Variants in TMEM132C observed in about 807,000 individuals in gnomAD.
TMEM132C encodes transmembrane protein 132C.
Under a neutral mutation model 61.4 loss-of-function variants are expected in TMEM132C, and 29 were observed. The ratio of observed to expected loss-of-function variants is 0.47; its 90% CI spans 0.35 to 0.64. TMEM132C has a LOEUF of 0.64. TMEM132C is among the 30% of genes least tolerant of loss of function. The pLI is 0.00. For synonymous variants in TMEM132C, 656 were observed against 633.1 expected (o/e 1.04, Z -0.54); for missense variants, 1,408 against 1,476.9 (o/e 0.95, Z 0.76).
chr12:128,676,428 AT>A (rs1461931612), intron 5 of TMEM132C, among the ~76,000 whole-genome samples: 10 of 151,900 alleles, frequency 6.6e-5, no homozygotes, highest in Admixed American at 1.3e-4. Context: ...TTTGGTGGGT[AT>A]TTTTTCTGAT....
At chr12:128,567,646 T>A (rs975067950) in intron 3 of TMEM132C, among the ~76,000 whole-genome samples, 1 of 151,642 alleles carries the variant, frequency 6.6e-6, no homozygotes, top group Non-Finnish European at 1.5e-5. Context: ...CCTCCTCCAC[T>A]TTAAGGTGTT....
intron 1 of TMEM132C, among the ~76,000 whole-genome samples, chr12:128,372,493 C>T (rs1874057133): frequency 6.6e-6 from 1 of 152,068 alleles, no homozygotes; most frequent in South Asian, 2.1e-4. Flanking sequence ...TTTCCAGTGA[C>T]AAAGCTGGAT....
chr12:128,492,438 G>T (rs140272149), intron 2 of TMEM132C, among the ~76,000 whole-genome samples: 3 of 152,120 alleles, frequency 2.0e-5, no homozygotes, highest in African/African-American at 7.2e-5. Context: ...TGTCTTCCAC[G>T]ATGGTTGACC....
intron 1 of TMEM132C, among the ~76,000 whole-genome samples, chr12:128,414,033 G>T (rs924567129): frequency 6.6e-6 from 1 of 152,110 alleles, no homozygotes; most frequent in Non-Finnish European, 1.5e-5. Flanking sequence ...GTACGGTGTG[G>T]AGTGTGGATC....
intron 3 of TMEM132C, among the ~76,000 whole-genome samples, chr12:128,574,416 G>A (rs1053155949): frequency 2.0e-5 from 3 of 152,164 alleles, no homozygotes; most frequent in South Asian, 2.1e-4. Flanking sequence ...TAGAGAAACC[G>A]TTATTATCTC....
chr12:128,485,049 G>T (rs953862845), intron 2 of TMEM132C, among the ~76,000 whole-genome samples: 1 of 152,058 alleles, frequency 6.6e-6, no homozygotes, highest in Non-Finnish European at 1.5e-5. Flanking sequence ...AGAGGTGAGC[G>T]CCCCAAGAAA....
chr12:128,295,787 CT>C (rs1871395324), intron 1 of TMEM132C, among the ~76,000 whole-genome samples: 1 of 151,734 alleles, frequency 6.6e-6, no homozygotes, highest in Admixed American at 6.6e-5. Context: ...AAAAAAAAAC[CT>C]TAAAAATTTC....
chr12:128,423,829 C>T (rs568173653), intron 2 of TMEM132C, among the ~76,000 whole-genome samples: 6 of 151,566 alleles, frequency 4.0e-5, no homozygotes, highest in Admixed American at 6.6e-5. Flanking sequence ...GTCAGGAGAT[C>T]GAGACCATCC....
Position 128,291,282 on chromosome 12 carries a change from C to T in TMEM132C, c.85+23795C>T, listed in dbSNP as rs556493945. On this transcript the variant is annotated intron_variant, in intron 1 of 8. Transcript: ENST00000435159. ...ATGAAGTCCTTTGAAGTCCAGTTCC[C>T]CTCTGGTGTAGGTACCGTTTTCACC... 1.9e-4 allele frequency among the ~76,000 whole-genome samples: 29 copies of T among 152,302 alleles called. No homozygotes were observed. The South Asian group carries it at 5.8e-3, about 30-fold the overall frequency.
At chr12:128,497,429 G>A (rs534559493) in intron 2 of TMEM132C, among the ~76,000 whole-genome samples, 1 of 152,332 alleles carries the variant, frequency 6.6e-6, no homozygotes, top group South Asian at 2.1e-4. Flanking sequence ...GCCCCCAGAG[G>A]TGGAGTCTAC....
chr12:128,295,632 G>A (rs1380509320), intron 1 of TMEM132C, among the ~76,000 whole-genome samples: 1 of 77,760 alleles, frequency 1.3e-5, no homozygotes, highest in Non-Finnish European at 2.4e-5. Flanking sequence ...TGCCTTTTAA[G>A]TCCTTCAAAA....
chr12:128,542,461 A>G (rs1040087808), intron 2 of TMEM132C, among the ~76,000 whole-genome samples: 4 of 152,100 alleles, frequency 2.6e-5, no homozygotes, highest in African/African-American at 9.7e-5. Flanking sequence ...ATGCACCACC[A>G]TGCCGGGTTA....
intron 3 of TMEM132C, among the ~76,000 whole-genome samples, chr12:128,603,409 T>A (rs1876276295): frequency 6.6e-6 from 1 of 152,112 alleles, no homozygotes; most frequent in Non-Finnish European, 1.5e-5. Context: ...TTTTAGCAGT[T>A]ACAACAGAGG....
Position 128,693,830 on chromosome 12 carries a change from T to C in TMEM132C, c.1451T>C (p.Val484Ala). ...CKSTDEDVIK[V>A]SERCDYIFVN... Reference sequence around the variant, plus strand: ...TCCTTTCTCCCTCTGTCTTTGCAGGTGTCTGAGCGCTGTGACTACATCTTT... The same window carrying C: ...TCCTTTCTCCCTCTGTCTTTGCAGGCGTCTGAGCGCTGTGACTACATCTTT... Residue 484 changes from valine to alanine, a missense_variant and splice_region_variant, in exon 6 of 9, where the codon GTG becomes GCG. By Grantham distance (64) the Val-to-Ala change is moderately conservative. Coordinates refer to ENST00000435159, the MANE Select transcript of TMEM132C (RefSeq NM_001136103.3). 1 of 1,551,744 alleles carries C rather than the reference T, an allele frequency of 6.4e-7. No homozygotes were observed. Among genetic ancestry groups the C allele is most frequent in the Non-Finnish European group, 8.7e-7 (1 of 1,147,002 alleles).
At chr12:128,666,011 ACAC>A (rs1954466095) in intron 4 of TMEM132C, among the ~76,000 whole-genome samples, 1 of 137,978 alleles carries the variant, frequency 7.2e-6, no homozygotes, top group Non-Finnish European at 1.5e-5. Context: ...ACAGGCACAC[ACAC>A]ATTCACAGGC....
At chr12:128,692,214 C>T (rs1167320666) in intron 5 of TMEM132C, among the ~76,000 whole-genome samples, 1 of 152,204 alleles carries the variant, frequency 6.6e-6, no homozygotes, top group African/African-American at 2.4e-5. Flanking sequence ...ATCCTTTCCT[C>T]CATCTGTCCA....
intron 1 of TMEM132C, among the ~76,000 whole-genome samples, chr12:128,398,395 A>G (rs994251675): frequency 2.0e-5 from 3 of 152,226 alleles, no homozygotes; most frequent in Admixed American, 2.0e-4. Flanking sequence ...TACGGATTTG[A>G]AATAAAGCCT....
At chr12:128,315,925 G>C (rs12308549) in intron 1 of TMEM132C, among the ~76,000 whole-genome samples, 3 of 151,642 alleles carry the variant, frequency 2.0e-5, no homozygotes, top group Admixed American at 6.6e-5. Flanking sequence ...AGATTATCTC[G>C]AGGGCCCTAA....
intron 2 of TMEM132C, among the ~76,000 whole-genome samples, chr12:128,527,436 G>A (rs922822809): frequency 4.6e-5 from 7 of 152,222 alleles, no homozygotes; most frequent in Admixed American, 2.0e-4. Flanking sequence ...TATTGATAGG[G>A]CAGCTGCGCT....
Sources: gnomAD v4.1 joint callset for allele counts (sites outside exome capture counted in the v4.1 genomes callset) on GRCh38, gnomAD v4.1.1 for gene constraint, MANE v1.5 for transcripts, NCBI Gene and HGNC (gene_info 2026-07-23, HGNC 2026-07-21) for gene names.